FRMD1: variants seen among roughly 807,000 people sequenced by gnomAD.
FRMD1 encodes FERM domain-containing protein 1.
Under a neutral mutation model 54.9 loss-of-function variants are expected in FRMD1, and 51 were observed. The observed-to-expected ratio is 0.93, with a 90% CI of 0.74 to 1.17. The LOEUF (loss-of-function observed/expected upper bound fraction) is 1.17. FRMD1 is among the 50% of genes most tolerant of loss of function. FRMD1 has a pLI of 0.00. For missense variants in FRMD1, 729 were observed against 743.0 expected (o/e 0.98, Z 0.22); for synonymous variants, 324 against 306.4 (o/e 1.06, Z -0.60).
chr6:168,076,489 C>T (rs1164137185), intron 1 of FRMD1, among the ~76,000 whole-genome samples: 1 of 152,112 alleles, frequency 6.6e-6, no homozygotes, highest in Non-Finnish European at 1.5e-5. Flanking sequence ...GGGGTGGTTC[C>T]CCCATCCAGT....
chr6:168,082,763 G>A (rs1003621305), upstream of FRMD1, among the ~76,000 whole-genome samples: 27 of 152,180 alleles, frequency 1.8e-4, no homozygotes, highest in African/African-American at 6.5e-4. Flanking sequence ...CGAAAGCCTC[G>A]TCTTCTGGGA....
At position 168,060,832 on chromosome 6, in the gene FRMD1, A is replaced by T; in HGVS notation, c.1271T>A (p.Leu424His). The change falls in exon 9 of 11, where the codon CTC (leucine) becomes CAC (histidine). Residue 424 changes from leucine to histidine, a missense_variant. Leu to His is a moderately conservative substitution (Grantham distance 99). Transcript: ENST00000283309. ...SVDVPLEVHG[L>H]HEKEPSSSPR... ...GCTGGAGGACGGCTCCTTCTCATGG[A>T]GCCCGTGGACCTCCAAGGGCACGTC... 1.2e-6 allele frequency: 2 copies of T among 1,613,418 alleles called. No individual in the cohort carries two copies. The highest frequency in any genetic ancestry group is 8.5e-7 in the Non-Finnish European group (1 of 1,179,930).
chr6:168,074,980 G>T (rs575254669), intron 2 of FRMD1, among the ~76,000 whole-genome samples: 9 of 149,960 alleles, frequency 6.0e-5, no homozygotes, highest in African/African-American at 2.0e-4. Context: ...ACGTGCAAGT[G>T]GTGTGTAACT....
At chr6:168,064,789 C>T (rs1469706694) in intron 5 of FRMD1, 82 bp downstream of exon 5, 3 of 1,492,252 alleles carry the variant, frequency 2.0e-6, no homozygotes, top group Admixed American at 4.2e-5. Context: ...GCCCTCAGTC[C>T]CCTGCTCCCA....
intron 2 of FRMD1, among the ~76,000 whole-genome samples, chr6:168,068,922 T>A (rs2114990100): frequency 6.6e-6 from 1 of 152,360 alleles, no homozygotes; most frequent in South Asian, 2.1e-4. Context: ...CCTGCCTGTC[T>A]TTCTAATCCT....
intron 4 of FRMD1, chr6:168,065,481 G>A: frequency 7.0e-6 from 7 of 994,960 alleles, no homozygotes; most frequent in Non-Finnish European, 8.4e-6. Context: ...CACGGGGCTT[G>A]GCCATGGCTG....
At chr6:168,072,476 C>T (rs1800356740) in intron 2 of FRMD1, among the ~76,000 whole-genome samples, 2 of 152,240 alleles carry the variant, frequency 1.3e-5, no homozygotes. Flanking sequence ...GAGGGGGATG[C>T]CCTGGGGCGT....
upstream of FRMD1, chr6:168,081,796 G>A (rs1800836164): frequency 2.5e-6 from 1 of 404,678 alleles, no homozygotes; most frequent in African/African-American, 2.0e-5. Context: ...AGCAGGGACT[G>A]CAGAGGGGCG....
At chr6:168,088,896 T>C (rs983779808) in intron 1 of FRMD1, among the ~76,000 whole-genome samples, 5 of 152,070 alleles carry the variant, frequency 3.3e-5, no homozygotes, top group Non-Finnish European at 2.9e-5. Context: ...TGTGTCCGTG[T>C]GACCCACCGG....
chr6:168,076,671 C>A (rs1189018385), intron 1 of FRMD1, among the ~76,000 whole-genome samples: 2 of 152,258 alleles, frequency 1.3e-5, no homozygotes, highest in Non-Finnish European at 2.9e-5. Context: ...AATTAAACCT[C>A]TTTCCTTTAT....
chr6:168,075,078 A>G (rs573049831), intron 2 of FRMD1, among the ~76,000 whole-genome samples, 167 bp downstream of exon 2: 48 of 151,706 alleles, frequency 3.2e-4, no homozygotes, highest in African/African-American at 1.2e-3. Flanking sequence ...GCATGTGTAC[A>G]TGTGAGTGGT....
At chr6:168,065,268 C>T (rs1418692984) in intron 4 of FRMD1, 9 of 1,326,778 alleles carry the variant, frequency 6.8e-6, no homozygotes, top group Non-Finnish European at 8.6e-6. Context: ...AGGTGACTTG[C>T]TGCCACCAAG....
chr6:168,067,051 G>A, intron 3 of FRMD1: 1 of 738,538 alleles, frequency 1.4e-6, no homozygotes, highest in South Asian at 1.5e-5. Context: ...TGCAAAGGCG[G>A]GCTTCGGGCG....
intron 1 of FRMD1, among the ~76,000 whole-genome samples, chr6:168,088,144 C>T (rs1007862200): frequency 6.6e-6 from 1 of 152,058 alleles, no homozygotes; most frequent in South Asian, 2.1e-4. Context: ...ATAAGAAAGC[C>T]GGGGCTGAGA....
intron 2 of FRMD1, among the ~76,000 whole-genome samples, chr6:168,074,674 G>T (rs1194304100): frequency 2.7e-5 from 4 of 150,312 alleles, no homozygotes; most frequent in African/African-American, 9.8e-5. Flanking sequence ...GTATGTGTAT[G>T]TGTGAGTGGT....
chr6:168,060,333 G>A (rs1583168285), intron 9 of FRMD1, among the ~76,000 whole-genome samples: 1 of 124,524 alleles, frequency 8.0e-6, no homozygotes, highest in African/African-American at 3.0e-5. Context: ...CCCGGGATGG[G>A]GAGCATTCCT....
upstream of FRMD1, chr6:168,081,364 G>A (rs990411075): frequency 6.1e-5 from 93 of 1,533,194 alleles, no homozygotes; most frequent in Non-Finnish European, 7.2e-5. Context: ...TTGTCTTCTC[G>A]ACTGGCCTGT....
intron 1 of FRMD1, among the ~76,000 whole-genome samples, chr6:168,086,643 A>T (rs1444092843): frequency 1.3e-5 from 2 of 152,194 alleles, no homozygotes; most frequent in African/African-American, 4.8e-5. Context: ...CCCAGCATGG[A>T]TGCCGCCCAT....
chr6:168,062,989 C>T (rs1562411496), intron 6 of FRMD1, 30 bp from the exon 7 acceptor site: 1 of 1,599,856 alleles, frequency 6.3e-7, no homozygotes. Context: ...GGTCAAGTTG[C>T]AGGCCTGGAG....
Sources: allele counts gnomAD v4.1 joint callset (sites outside exome capture counted in the v4.1 genomes callset), GRCh38; gene constraint gnomAD v4.1.1; transcripts MANE v1.5; gene names NCBI Gene and HGNC (gene_info 2026-07-23, HGNC 2026-07-21).